Variants in ST3GAL6 observed in about 807,000 individuals in gnomAD.
ST3GAL6 encodes type 2 lactosamine alpha-2,3-sialyltransferase.
Under a neutral mutation model 40.5 loss-of-function variants are expected in ST3GAL6, and 31 were observed. That is an observed-to-expected ratio of 0.77 (90% confidence interval 0.58 to 1.03). ST3GAL6 has a LOEUF of 1.03. Ranked by LOEUF, ST3GAL6 falls within the 50% of genes least tolerant of loss-of-function variation. The pLI is 0.00. For synonymous variants in ST3GAL6, 129 were observed against 136.9 expected (o/e 0.94, Z 0.40); for missense variants, 357 against 393.2 (o/e 0.91, Z 0.78).
intron 5 of ST3GAL6, chr3:98,783,136 C>G (rs1349488806): frequency 5.2e-6 from 1 of 191,944 alleles, no homozygotes; most frequent in Non-Finnish European, 1.1e-5. Context: ...GAAGAGCATG[C>G]CCAGGAGCAA....
At chr3:98,746,626 C>T (rs924170508) in intron 1 of ST3GAL6, among the ~76,000 whole-genome samples, 4 of 152,016 alleles carry the variant, frequency 2.6e-5, no homozygotes, top group Non-Finnish European at 4.4e-5. Context: ...TAGAAAATAA[C>T]GTTAACAGTG....
At position 98,793,733 on chromosome 3, in the gene ST3GAL6, A is replaced by T; in HGVS notation, c.968A>T (p.Asn323Ile). The T allele has an allele frequency of 6.2e-7, 1 of 1,604,070 alleles. No homozygotes were observed. The highest frequency in any genetic ancestry group is 8.5e-7 in the Non-Finnish European group (1 of 1,175,668). Residue 323 changes from asparagine to isoleucine, a missense_variant, in exon 10 of 10, where the codon AAC (asparagine) becomes ATC (isoleucine). Physicochemically the swap from Asn to Ile is moderately radical, Grantham distance 149 (BLOSUM62 -3). Coordinates refer to ENST00000483910, the MANE Select transcript of ST3GAL6 (RefSeq NM_001323368.2). Reference protein sequence around the residue: ...QLFLKDIIEKNLVINLTQD With the variant: ...QLFLKDIIEKILVINLTQD ...TTTTTGAAGGACATTATAGAAAAAA[A>T]CCTCGTAATCAACTTGACTCAAGAT...
At chr3:98,774,051 C>T (rs1939281282) in intron 5 of ST3GAL6, 68 bp downstream of exon 5, 1 of 1,274,370 alleles carries the variant, frequency 7.8e-7, no homozygotes, top group African/African-American at 1.5e-5. Flanking sequence ...ATATGTACCC[C>T]AAGAAATGTA....
chr3:98,742,284 T>C (rs1009104636), intron 1 of ST3GAL6, among the ~76,000 whole-genome samples: 3 of 152,248 alleles, frequency 2.0e-5, no homozygotes, highest in Non-Finnish European at 4.4e-5. Context: ...TCCAAAAATA[T>C]GTTTTCTAAG....
intron 1 of ST3GAL6, among the ~76,000 whole-genome samples, chr3:98,751,430 G>A (rs1937003472): frequency 6.6e-6 from 1 of 152,134 alleles, no homozygotes; most frequent in South Asian, 2.1e-4. Context: ...GCATTAAACA[G>A]CACTCCTTTG....
At chr3:98,752,193 C>T (rs1218986617) in intron 1 of ST3GAL6, among the ~76,000 whole-genome samples, 2 of 152,028 alleles carry the variant, frequency 1.3e-5, no homozygotes, top group East Asian at 1.9e-4. Context: ...GAAGTAAAGA[C>T]GCAAAGAAGC....
At chr3:98,785,127 G>A (rs909515400) in intron 6 of ST3GAL6, 87 bp downstream of exon 6, 7 of 917,130 alleles carry the variant, frequency 7.6e-6, no homozygotes, top group Admixed American at 2.6e-5. Flanking sequence ...TGACAGGAAG[G>A]GGAGATGTTT....
chr3:98,742,022 C>T (rs1392877844), intron 1 of ST3GAL6, among the ~76,000 whole-genome samples: 1 of 152,064 alleles, frequency 6.6e-6, no homozygotes, highest in Admixed American at 6.6e-5. Flanking sequence ...CTTTCAGTAC[C>T]TTCTTCATAT....
chr3:98,744,551 G>T (rs758833089), intron 1 of ST3GAL6, among the ~76,000 whole-genome samples: 1 of 152,100 alleles, frequency 6.6e-6, no homozygotes, highest in Non-Finnish European at 1.5e-5. Context: ...TTCATTTCTT[G>T]ACTCTGCTCT....
At chr3:98,737,982 T>C (rs893090752) in intron 1 of ST3GAL6, among the ~76,000 whole-genome samples, 3 of 151,976 alleles carry the variant, frequency 2.0e-5, no homozygotes, top group South Asian at 4.2e-4. Context: ...TGGGAGGTGA[T>C]TGGATATGGG....
intron 2 of ST3GAL6, chr3:98,770,349 C>G (rs1938839103): frequency 6.5e-6 from 1 of 153,446 alleles, no homozygotes; most frequent in African/African-American, 2.4e-5. Context: ...CTAACTTATG[C>G]CAAGAATAGA....
chr3:98,792,155 A>G (rs1474509637), intron 9 of ST3GAL6, among the ~76,000 whole-genome samples, 162 bp downstream of exon 9: 1 of 152,180 alleles, frequency 6.6e-6, no homozygotes, highest in African/African-American at 2.4e-5. Flanking sequence ...CTGTAACTAG[A>G]ACTCATGTCC....
rs761051848 is a variant in ST3GAL6, at chr3:98,788,032, A to G, written c.432-4A>G. ...ACATATCTTGTATGTTTTACTATCC[A>G]CAGAATGAATAATGGTCCTGTTTTA... On this transcript the variant is annotated splice_region_variant and splice_polypyrimidine_tract_variant and intron_variant, in intron 6 of 9. Coordinates refer to ENST00000483910, the MANE Select transcript of ST3GAL6 (RefSeq NM_001323368.2). 1 of 1,611,176 alleles carries G rather than the reference A, an allele frequency of 6.2e-7. No individual in the cohort carries two copies. Among genetic ancestry groups the G allele is most frequent in the South Asian group, 1.1e-5 (1 of 90,540 alleles).
chr3:98,787,746 T>G (rs1940861810), intron 6 of ST3GAL6, among the ~76,000 whole-genome samples: 1 of 152,244 alleles, frequency 6.6e-6, no homozygotes, highest in Admixed American at 6.5e-5. Context: ...GTGTTCCCAC[T>G]TTTTTAAATT....
intron 1 of ST3GAL6, among the ~76,000 whole-genome samples, chr3:98,739,674 T>C (rs1935894016): frequency 6.6e-6 from 1 of 152,226 alleles, no homozygotes; most frequent in Non-Finnish European, 1.5e-5. Flanking sequence ...AGGAAGCAGA[T>C]ATAGGGAATG....
At chr3:98,732,844 C>T in intron 1 of ST3GAL6, 1 of 1,507,450 alleles carries the variant, frequency 6.6e-7, no homozygotes, top group Non-Finnish European at 8.8e-7. Context: ...TTTCTGCCGG[C>T]CTCGGGCTTC....
chr3:98,768,696 C>G (rs1309175693), intron 2 of ST3GAL6, among the ~76,000 whole-genome samples, 167 bp downstream of exon 2: 1 of 152,106 alleles, frequency 6.6e-6, no homozygotes, highest in Non-Finnish European at 1.5e-5. Flanking sequence ...TAGATTGTAT[C>G]TCGAACAATT....
chr3:98,749,225 G>T (rs1936796939), intron 1 of ST3GAL6, among the ~76,000 whole-genome samples: 1 of 151,986 alleles, frequency 6.6e-6, no homozygotes, highest in Non-Finnish European at 1.5e-5. Context: ...TCAATCCACT[G>T]GTTTTAGGAA....
chr3:98,776,114 T>C (rs908999024), intron 5 of ST3GAL6, among the ~76,000 whole-genome samples: 4 of 152,240 alleles, frequency 2.6e-5, no homozygotes, highest in African/African-American at 9.6e-5. Context: ...GACACTATTA[T>C]CTTCTATTTG....
Sources: gnomAD v4.1 joint callset for allele counts (sites outside exome capture counted in the v4.1 genomes callset) on GRCh38, gnomAD v4.1.1 for gene constraint, MANE v1.5 for transcripts, NCBI Gene and HGNC (gene_info 2026-07-23, HGNC 2026-07-21) for gene names.